AGBL3: variants seen among roughly 807,000 people sequenced by gnomAD.
AGBL3 encodes cytosolic carboxypeptidase 3.
Under a neutral mutation model 94.5 loss-of-function variants are expected in AGBL3, and 68 were observed. That is an observed-to-expected ratio of 0.72 (90% CI 0.59 to 0.88). The LOEUF is 0.88. Among genes scored for constraint, AGBL3 ranks in the 40% least tolerant of loss-of-function variants. The probability of loss-of-function intolerance (pLI) is 0.00; values close to 1 mark genes in which losing one functional copy is unlikely to be tolerated. For missense variants in AGBL3, 934 were observed against 1,103.8 expected, an observed-to-expected ratio of 0.85 and a Z score of 2.18; for synonymous variants, 354 against 370.7, an observed-to-expected ratio of 0.95 and a Z score of 0.52.
intron 16 of AGBL3, among the ~76,000 whole-genome samples, chr7:135,133,344 G>T (rs1482510824): frequency 6.6e-6 from 1 of 152,188 alleles, no homozygotes; most frequent in Non-Finnish European, 1.5e-5. Context: ...CAATAAAGAT[G>T]TCAGTTCTTC....
Position 135,060,303 on chromosome 7 carries a change from A to G in AGBL3, c.1908+1068A>G, listed in dbSNP as rs1411024285. ...AGTAAAAATTATATATATTTATTGT[A>G]TATGACACATTGTTTTGAAATATGT... is the stretch of plus-strand genomic sequence containing the variant. On this transcript the variant is annotated intron_variant, in intron 12 of 16. Transcript: ENST00000436302. Among the ~76,000 whole-genome samples, 6 of 152,164 alleles carry G rather than the reference A, an allele frequency of 3.9e-5. No individual in the cohort carries two copies. The East Asian group carries it at 1.2e-3, about 29-fold the overall frequency.
intron 12 of AGBL3, among the ~76,000 whole-genome samples, chr7:135,070,061 G>A (rs1475230910): frequency 2.6e-5 from 4 of 152,152 alleles, no homozygotes; most frequent in Non-Finnish European, 4.4e-5. Context: ...CAATGCCACA[G>A]AAATACAAAC....
At chr7:135,101,082 C>T in intron 15 of AGBL3, 1 of 413,754 alleles carries the variant, frequency 2.4e-6, no homozygotes, top group Non-Finnish European at 4.8e-6. Flanking sequence ...TTTTTCATCT[C>T]CCAAAGTATG....
chr7:135,015,777 G>A (rs1177059718), intron 4 of AGBL3, among the ~76,000 whole-genome samples: 1 of 151,412 alleles, frequency 6.6e-6, no homozygotes, highest in Non-Finnish European at 1.5e-5. Flanking sequence ...CACTTTGGGA[G>A]GCCGTGGCAG....
At chr7:134,990,067 A>G (rs1810036215) in intron 3 of AGBL3, among the ~76,000 whole-genome samples, 1 of 152,184 alleles carries the variant, frequency 6.6e-6, no homozygotes. Context: ...TTTAACTAGC[A>G]TTTCTGGGAT....
chr7:134,999,603 C>T (rs4236649), intron 4 of AGBL3, among the ~76,000 whole-genome samples: 141,452 of 152,252 alleles, frequency 0.93, 66,555 homozygotes, highest in East Asian at 1. Context: ...CTGGTGGGCA[C>T]TGACATGTCC....
In AGBL3 at chr7:135,033,093, TG is replaced by T. The variant is rs1815942078; in HGVS notation, c.557+113del. The T allele has an allele frequency of 5.6e-6, 6 of 1,067,518 alleles. No homozygotes were observed. In the Admixed American group the frequency reaches 2.0e-4, roughly 35 times the overall value. The allele number at this position is 1,067,518 out of a possible 1,614,324, so 66.1% of individuals were successfully genotyped here. On this transcript the variant is annotated intron_variant, in intron 6 of 16. Transcript: ENST00000436302. The stretch of plus-strand genomic sequence containing the variant: ...TATGAAACTGTAATTCCTTGAAGTA[TG>T]GATACTATTAATAATTAGAAATTGT...
chr7:135,061,672 C>A (rs1330501292), intron 12 of AGBL3, among the ~76,000 whole-genome samples: 2 of 152,022 alleles, frequency 1.3e-5, no homozygotes, highest in Admixed American at 1.3e-4. Flanking sequence ...GATCTTGGCA[C>A]TTCTGTCAAA....
At chr7:135,044,701 G>GT (rs557973465) in intron 9 of AGBL3, among the ~76,000 whole-genome samples, 58 of 151,620 alleles carry the variant, frequency 3.8e-4, no homozygotes, top group Middle Eastern at 3.4e-3. Flanking sequence ...TTTTCAGCTT[G>GT]TTTTTTTTAT....
In AGBL3 at chr7:135,117,596, T is replaced by C. The variant is rs149186856; in HGVS notation, c.2342+1985T>C. 1.3e-3 allele frequency among the ~76,000 whole-genome samples: 192 copies of C among 152,248 alleles called. 3 individuals are homozygous for C. Among genetic ancestry groups the C allele is most frequent in the African/African-American group, 4.5e-3 (189 of 41,544 alleles). ...TGTTGAGACAGTCAAACAAATGATATATAAAACAGAGAAGGTAGCCATAAA... is the reference window on the plus strand; with the variant it reads ...TGTTGAGACAGTCAAACAAATGATACATAAAACAGAGAAGGTAGCCATAAA... On this transcript the variant is annotated intron_variant, in intron 16 of 16. Transcript: ENST00000436302.
intron 4 of AGBL3, 51 bp downstream of exon 4, chr7:134,993,729 C>T: frequency 1.5e-6 from 2 of 1,373,390 alleles, no homozygotes; most frequent in South Asian, 1.8e-5. Context: ...CTTACTTTGC[C>T]AACCTTAATT....
At chr7:135,101,320 AG>A (rs1395654413) in intron 15 of AGBL3, 1 of 452,960 alleles carries the variant, frequency 2.2e-6, no homozygotes, top group South Asian at 1.6e-5. Flanking sequence ...ATGCATACAA[AG>A]ATGGTTTTCA....
chr7:135,003,796 G>A (rs987281240), intron 4 of AGBL3, among the ~76,000 whole-genome samples: 5 of 151,018 alleles, frequency 3.3e-5, no homozygotes, highest in African/African-American at 1.2e-4. Context: ...TTTACATACA[G>A]GAAAGTTATT....
chr7:135,007,634 A>G (rs916349491), intron 4 of AGBL3, among the ~76,000 whole-genome samples: 1 of 152,024 alleles, frequency 6.6e-6, no homozygotes, highest in African/African-American at 2.4e-5. Context: ...TTCCACTTTT[A>G]TACGACATTG....
intron 12 of AGBL3, among the ~76,000 whole-genome samples, chr7:135,075,306 T>A (rs2116817578): frequency 6.6e-6 from 1 of 152,346 alleles, no homozygotes; most frequent in South Asian, 2.1e-4. Flanking sequence ...TTTTTTCACA[T>A]CCCTGTGAAA....
At chr7:135,034,058 C>T in intron 6 of AGBL3, 91 bp from the exon 7 acceptor site, 5 of 1,125,622 alleles carry the variant, frequency 4.4e-6, no homozygotes, top group Admixed American at 3.5e-5. Flanking sequence ...AATAATTTTC[C>T]TTATTTAACT....
intron 12 of AGBL3, among the ~76,000 whole-genome samples, chr7:135,062,559 T>C (rs1818935215): frequency 2.4e-5 from 1 of 41,102 alleles, no homozygotes; most frequent in Non-Finnish European, 6.4e-5. Context: ...TTTGGAGCAT[T>C]TTTTATCATG....
chr7:135,022,029 G>T (rs1015084675), intron 5 of AGBL3, among the ~76,000 whole-genome samples: 7 of 152,072 alleles, frequency 4.6e-5, no homozygotes, highest in Non-Finnish European at 8.8e-5. Context: ...AGTAGTCCAT[G>T]GTGTATTTGT....
intron 12 of AGBL3, among the ~76,000 whole-genome samples, chr7:135,068,958 C>T (rs1285191142): frequency 2.0e-5 from 3 of 152,074 alleles, no homozygotes; most frequent in Non-Finnish European, 4.4e-5. Context: ...GGTCAAGACC[C>T]ATCAGTGTGC....
Sources: gnomAD v4.1 joint callset for allele counts (sites outside exome capture counted in the v4.1 genomes callset) on GRCh38, gnomAD v4.1.1 for gene constraint, MANE v1.5 for transcripts, NCBI Gene and HGNC (gene_info 2026-07-23, HGNC 2026-07-21) for gene names.